Variants in COL5A2 observed in about 807,000 individuals in gnomAD.
The protein encoded by COL5A2 is collagen alpha-2(V) chain.
In COL5A2, 23 loss-of-function variants were observed where a neutral mutation model predicts 208.2. That is an observed-to-expected ratio of 0.11 (90% CI 0.08 to 0.16). The LOEUF (loss-of-function observed/expected upper bound fraction) is 0.16. Among genes scored for constraint, COL5A2 ranks in the 10% least tolerant of loss-of-function variants. The pLI is 1.00. For missense variants in COL5A2, 1,590 were observed against 1,956.4 expected (o/e 0.81, Z 3.53); for synonymous variants, 625 against 628.5 (o/e 0.99, Z 0.08).
At chr2:189,127,908 G>C (rs1687639489) in intron 1 of COL5A2, among the ~76,000 whole-genome samples, 1 of 152,020 alleles carries the variant, frequency 6.6e-6, no homozygotes, top group Non-Finnish European at 1.5e-5. Context: ...GTGAAGGAGT[G>C]CTGCTTCTTC....
chr2:189,338,371 A>C, the COL5A2 span, among the ~76,000 whole-genome samples: 3 of 152,034 alleles, frequency 2.0e-5, 1 homozygote, highest in Non-Finnish European at 4.4e-5. Context: ...ACTTTTGTCT[A>C]ACCCCAGCTC....
chr2:189,172,857 A>G (rs1310453742), intron 1 of COL5A2, among the ~76,000 whole-genome samples: 1 of 152,056 alleles, frequency 6.6e-6, no homozygotes, highest in Non-Finnish European at 1.5e-5. Context: ...TAAACTTAAA[A>G]AAAAAAAGCA....
chr2:189,178,414 G>C (rs1168594931), intron 1 of COL5A2, among the ~76,000 whole-genome samples: 1 of 151,854 alleles, frequency 6.6e-6, no homozygotes, highest in East Asian at 1.9e-4. Context: ...GTATGTATGT[G>C]TCTATATATG....
intron 1 of COL5A2, among the ~76,000 whole-genome samples, chr2:189,148,208 C>G (rs1397277547): frequency 6.6e-6 from 1 of 151,972 alleles, no homozygotes; most frequent in African/African-American, 2.4e-5. Flanking sequence ...CACAGTCATA[C>G]TTTGAGATAG....
the COL5A2 span, among the ~76,000 whole-genome samples, chr2:189,378,168 C>T: frequency 1.3e-5 from 2 of 152,202 alleles, no homozygotes; most frequent in African/African-American, 2.4e-5. Flanking sequence ...CCAATTCCAA[C>T]GGTGATTTCT....
the COL5A2 span, among the ~76,000 whole-genome samples, chr2:189,251,165 A>G: frequency 1.3e-5 from 2 of 152,224 alleles, no homozygotes; most frequent in Non-Finnish European, 2.9e-5. Flanking sequence ...TATTTGTTGA[A>G]TATGAATTAG....
chr2:189,417,315 T>C, the COL5A2 span, among the ~76,000 whole-genome samples: 3 of 152,200 alleles, frequency 2.0e-5, no homozygotes, highest in Admixed American at 1.3e-4. Flanking sequence ...CTTTGTCATA[T>C]ATAAAATTTC....
the COL5A2 span, among the ~76,000 whole-genome samples, chr2:189,333,486 C>T: frequency 1.3e-5 from 2 of 152,048 alleles, no homozygotes; most frequent in Non-Finnish European, 2.9e-5. Flanking sequence ...ACTTAAAACT[C>T]GCACAAGAAA....
chr2:189,290,314 T>C, the COL5A2 span, among the ~76,000 whole-genome samples: 103 of 152,272 alleles, frequency 6.8e-4, no homozygotes, highest in African/African-American at 2.3e-3. Flanking sequence ...AATGTCTCCA[T>C]CCTTAAGCAA....
chr2:189,397,813 A>G, the COL5A2 span, among the ~76,000 whole-genome samples: 163 of 151,724 alleles, frequency 1.1e-3, no homozygotes, highest in Non-Finnish European at 1.8e-3. Context: ...ATTAATTTCT[A>G]TTCTTATCCT....
the COL5A2 span, among the ~76,000 whole-genome samples, chr2:189,280,799 C>T: frequency 6.6e-6 from 1 of 152,078 alleles, no homozygotes; most frequent in African/African-American, 2.4e-5. Flanking sequence ...AACAATTTCC[C>T]AGCAAGAATA....
the COL5A2 span, among the ~76,000 whole-genome samples, chr2:189,298,318 G>A: frequency 4.5e-3 from 680 of 152,194 alleles, 5 homozygotes; most frequent in African/African-American, 0.015. Flanking sequence ...CTCTTGTGAC[G>A]GTTGTATGAG....
At chr2:189,391,929 C>G in the COL5A2 span, among the ~76,000 whole-genome samples, 2 of 152,134 alleles carry the variant, frequency 1.3e-5, no homozygotes, top group Middle Eastern at 6.8e-3. Flanking sequence ...AGTTTGACAT[C>G]ATATTGAAAT....
chr2:189,200,073 T>C (rs1046580296), intron 1 of COL5A2, among the ~76,000 whole-genome samples: 5 of 152,188 alleles, frequency 3.3e-5, no homozygotes, highest in South Asian at 2.1e-4. Context: ...TTTCCTACAG[T>C]TACATCTCCT....
At chr2:189,145,066 C>A (rs2105778594) in intron 1 of COL5A2, among the ~76,000 whole-genome samples, 1 of 152,198 alleles carries the variant, frequency 6.6e-6, no homozygotes, top group East Asian at 1.9e-4. Flanking sequence ...CAGAGCATTG[C>A]AAAATACTTT....
chr2:189,419,950 AAGAGGTGAGAGGAGAGG>A, the COL5A2 span, among the ~76,000 whole-genome samples: 1 of 146,796 alleles, frequency 6.8e-6, no homozygotes, highest in Non-Finnish European at 1.5e-5. Flanking sequence ...AGGAAAGGAA[AAGAGGTGAGAGGAGAGG>A]AGAGGAGAGG....
chr2:189,170,972 G>T (rs1386254600), intron 1 of COL5A2, among the ~76,000 whole-genome samples: 1 of 152,162 alleles, frequency 6.6e-6, no homozygotes, highest in Non-Finnish European at 1.5e-5. Flanking sequence ...AGCATTCTCA[G>T]TATGGTATTG....
chr2:189,248,520 G>A, the COL5A2 span, among the ~76,000 whole-genome samples: 1 of 152,080 alleles, frequency 6.6e-6, no homozygotes, highest in Non-Finnish European at 1.5e-5. Flanking sequence ...TATTAATAAG[G>A]AAAACAACTT....
chr2:189,035,785 T>C (rs1483626857), intron 52 of COL5A2, among the ~76,000 whole-genome samples: 1 of 152,090 alleles, frequency 6.6e-6, no homozygotes, highest in Non-Finnish European at 1.5e-5. Context: ...GTTCTCATAA[T>C]GTTTATTCTG....
Sources: gnomAD v4.1 joint callset for allele counts (sites outside exome capture counted in the v4.1 genomes callset) on GRCh38, gnomAD v4.1.1 for gene constraint, MANE v1.5 for transcripts, NCBI Gene and HGNC (gene_info 2026-07-23, HGNC 2026-07-21) for gene names.